The following AP4E1 variants were observed in gnomAD, a reference collection of about 807,000 sequenced individuals.
The protein encoded by AP4E1 is AP-4 complex subunit epsilon-1.
AP4E1 carries 56 observed loss-of-function variants against 128.2 expected under a neutral mutation model. That is an observed-to-expected ratio of 0.44 (90% confidence interval 0.35 to 0.55). The LOEUF (loss-of-function observed/expected upper bound fraction) is 0.55, where lower values mean the gene tolerates loss of function less well. Ranked by LOEUF, AP4E1 falls within the 20% of genes least tolerant of loss-of-function variation. AP4E1 has a pLI of 0.00. For synonymous variants in AP4E1, 484 were observed against 473.1 expected (o/e 1.02, Z -0.30); for missense variants, 1,324 against 1,307.7 (o/e 1.01, Z -0.19).
intron 6 of AP4E1, among the ~76,000 whole-genome samples, chr15:50,930,491 T>C (rs2063820638): frequency 6.6e-6 from 1 of 151,628 alleles, no homozygotes; most frequent in Non-Finnish European, 1.5e-5. Flanking sequence ...GCCAGTTCTT[T>C]TCACTTTTTG....
At chr15:50,995,980 CTTTTTTTTT>C (rs1199189475) in intron 17 of AP4E1, among the ~76,000 whole-genome samples, 3 of 91,796 alleles carry the variant, frequency 3.3e-5, no homozygotes, top group African/African-American at 1.5e-4. Flanking sequence ...TAATATACAT[CTTTTTTTTT>C]TTTTTTTTTT....
At chr15:51,000,658 C>T (rs145889759) in intron 19 of AP4E1, among the ~76,000 whole-genome samples, 2 of 152,178 alleles carry the variant, frequency 1.3e-5, no homozygotes, top group East Asian at 3.9e-4. Context: ...TGTTCTTTTT[C>T]ATAACTTTGA....
rs1233279773 is a variant in AP4E1 at position 50,914,911 on chromosome 15, T to TA, written c.223-531dup. On this transcript the variant is annotated intron_variant, in intron 2 of 20. Coordinates refer to ENST00000261842, the MANE Select transcript of AP4E1 (RefSeq NM_007347.5). ...CCCTCAGTTTATAATTGTGAGTTATTAAAAAAGAGTGCCTATAAAGCAAAC... is the reference window on the plus strand; with the variant it reads ...CCCTCAGTTTATAATTGTGAGTTATTAAAAAAAGAGTGCCTATAAAGCAAAC... 3.3e-5 allele frequency among the ~76,000 whole-genome samples: 5 copies of TA among 152,264 alleles called. No individual in the cohort carries two copies. The East Asian group carries it at 9.6e-4, about 29-fold the overall frequency.
intron 3 of AP4E1, chr15:50,915,787 A>G (rs946266538): frequency 3.7e-6 from 2 of 547,230 alleles, no homozygotes; most frequent in African/African-American, 3.8e-5. Flanking sequence ...AAGACTAAAG[A>G]TTTCTTGCTC....
intron 4 of AP4E1, among the ~76,000 whole-genome samples, chr15:50,924,487 C>G (rs905134679): frequency 6.6e-6 from 1 of 151,980 alleles, no homozygotes; most frequent in African/African-American, 2.4e-5. Flanking sequence ...GTTAAACTCC[C>G]AAATCAAAAT....
chr15:50,962,666 A>T (rs1489437869), intron 14 of AP4E1, among the ~76,000 whole-genome samples: 2 of 152,120 alleles, frequency 1.3e-5, no homozygotes, highest in African/African-American at 2.4e-5. Context: ...GAAAACTTAG[A>T]GGAAATGCTT....
intron 11 of AP4E1, among the ~76,000 whole-genome samples, chr15:50,949,306 G>A (rs1027751945): frequency 1.3e-5 from 2 of 151,724 alleles, no homozygotes; most frequent in East Asian, 1.9e-4. Context: ...CCAGATACTC[G>A]GGAGGCTGAG....
chr15:50,963,767 A>G (rs1204205621), intron 14 of AP4E1, among the ~76,000 whole-genome samples: 1 of 152,210 alleles, frequency 6.6e-6, no homozygotes, highest in Non-Finnish European at 1.5e-5. Flanking sequence ...TATCCTAAGT[A>G]CTCTGATTTA....
chr15:50,985,315 T>C (rs1485040686), intron 16 of AP4E1, among the ~76,000 whole-genome samples: 2 of 152,228 alleles, frequency 1.3e-5, no homozygotes, highest in East Asian at 1.9e-4. Flanking sequence ...TTCGTTTAAT[T>C]AGATCCCATT....
At position 50,999,209 on chromosome 15, in the gene AP4E1, T is replaced by C; in HGVS notation, c.3042T>C (p.Thr1014=). Residue 1014 remains threonine, a synonymous_variant, in exon 19 of 21, where the codon ACT becomes ACC. Transcript: ENST00000261842. ...TTATTAGTTATCATATGATGGATAC[T>C]CATTCTGCTCAGCTGGAATTTTCTG... ...TGFISYHMMD[T]HSAQLEFSVN... The C allele has an allele frequency of 6.2e-7, 1 of 1,613,004 alleles. No individual in the cohort carries two copies. The highest frequency in any genetic ancestry group is 8.5e-7 in the Non-Finnish European group (1 of 1,179,366).
chr15:50,961,380 C>T (rs946093961), intron 14 of AP4E1, among the ~76,000 whole-genome samples: 2 of 151,976 alleles, frequency 1.3e-5, no homozygotes, highest in Non-Finnish European at 2.9e-5. Flanking sequence ...AAAACTGAAT[C>T]CAATAACACA....
chr15:50,950,659 G>A (rs1191367163), intron 13 of AP4E1, among the ~76,000 whole-genome samples: 1 of 151,938 alleles, frequency 6.6e-6, no homozygotes, highest in Non-Finnish European at 1.5e-5. Flanking sequence ...AGGATGTGTA[G>A]GTTTGTTACA....
chr15:50,950,248 C>A, intron 13 of AP4E1, 79 bp downstream of exon 13: 2 of 1,036,304 alleles, frequency 1.9e-6, no homozygotes, highest in Non-Finnish European at 2.9e-6. Context: ...TCTTCAGAAA[C>A]CATTCGCTTT....
At chr15:50,942,479 T>A (rs2064000849) in intron 10 of AP4E1, among the ~76,000 whole-genome samples, 1 of 151,808 alleles carries the variant, frequency 6.6e-6, no homozygotes, top group Non-Finnish European at 1.5e-5. Flanking sequence ...CTTTTATATC[T>A]ATAAAATTAA....
At chr15:51,000,475 A>G (rs921133332) in intron 19 of AP4E1, among the ~76,000 whole-genome samples, 2 of 152,130 alleles carry the variant, frequency 1.3e-5, no homozygotes, top group East Asian at 3.9e-4. Context: ...GTAATAACAT[A>G]ACTGTCAGTC....
chr15:50,941,602 T>C (rs772826930), intron 9 of AP4E1, 38 bp downstream of exon 9: 1 of 1,612,522 alleles, frequency 6.2e-7, no homozygotes, highest in Non-Finnish European at 8.5e-7. Context: ...ATTACAGAGA[T>C]AGCTTTTGAA....
upstream of AP4E1, among the ~76,000 whole-genome samples, chr15:50,907,868 C>T (rs79566063): frequency 4.1e-4 from 63 of 152,308 alleles, no homozygotes; most frequent in East Asian, 0.012. Flanking sequence ...AGATAAAAGA[C>T]GGAGCAATCG....
chr15:50,948,833 A>G (rs1052178575), intron 11 of AP4E1, among the ~76,000 whole-genome samples: 2 of 152,098 alleles, frequency 1.3e-5, no homozygotes, highest in South Asian at 4.2e-4. Flanking sequence ...TTAGCCGGGC[A>G]TGGTGGCGCA....
intron 18 of AP4E1, among the ~76,000 whole-genome samples, chr15:50,998,611 C>CA (rs2064913999): frequency 6.6e-6 from 1 of 151,748 alleles, no homozygotes; most frequent in African/African-American, 2.4e-5. Flanking sequence ...GCCTGGGTGA[C>CA]AGAGTGAGAC....
Sources: gnomAD v4.1 joint callset for allele counts (sites outside exome capture counted in the v4.1 genomes callset) on GRCh38, gnomAD v4.1.1 for gene constraint, MANE v1.5 for transcripts, NCBI Gene and HGNC (gene_info 2026-07-23, HGNC 2026-07-21) for gene names.